Variants in CPNE4 observed in about 807,000 individuals in gnomAD.
CPNE4 encodes copine 4, also known as copine-4.
Under a neutral mutation model 67.9 loss-of-function variants are expected in CPNE4, and 25 were observed. The observed-to-expected ratio is 0.37, with a 90% confidence interval of 0.27 to 0.51. The LOEUF is 0.51. Among genes scored for constraint, CPNE4 ranks in the 20% least tolerant of loss-of-function variants. The pLI is 0.93. For synonymous variants in CPNE4, 242 were observed against 244.9 expected (o/e 0.99, Z 0.11); for missense variants, 464 against 690.8 (o/e 0.67, Z 3.68).
In CPNE4 at chr3:131,535,261, A is replaced by G. The variant is rs1228063186; in HGVS notation, c.1608T>C (p.Asn536=). 2 of 1,613,888 alleles carry G rather than the reference A, an allele frequency of 1.2e-6. No individual in the cohort carries two copies. Among genetic ancestry groups the G allele is most frequent in the South Asian group, 2.2e-5 (2 of 91,020 alleles). The change falls in exon 16 of 16, where the codon AAT becomes AAC. Residue 536 remains asparagine (N), a synonymous_variant. Coordinates refer to ENST00000429747, the MANE Select transcript of CPNE4 (RefSeq NM_130808.3). ...EVPNQVVDYY[N]GKGIKPKCSS... is the part of the protein sequence containing the mutation. Reference sequence around the variant, plus strand: ...AACATTTTGGTTTAATTCCTTTGCCATTGTAATAGTCCACAACTTGGTTTG... The same window carrying G: ...AACATTTTGGTTTAATTCCTTTGCCGTTGTAATAGTCCACAACTTGGTTTG...
intron 15 of CPNE4, among the ~76,000 whole-genome samples, chr3:131,537,117 T>C (rs1935192856): frequency 1.3e-5 from 2 of 152,084 alleles, no homozygotes; most frequent in Admixed American, 1.3e-4. Flanking sequence ...TAATTAAAAA[T>C]CACCAAAATG....
chr3:131,731,687 T>C (rs887401943), intron 2 of CPNE4, among the ~76,000 whole-genome samples: 4 of 152,198 alleles, frequency 2.6e-5, no homozygotes, highest in Non-Finnish European at 4.4e-5. Context: ...ATGTTCTTCA[T>C]GGTCCAAACT....
At chr3:131,682,568 A>C (rs1422644598) in intron 6 of CPNE4, among the ~76,000 whole-genome samples, 1 of 152,096 alleles carries the variant, frequency 6.6e-6, no homozygotes, top group African/African-American at 2.4e-5. Flanking sequence ...CCACCACTGG[A>C]CTGCACTGGG....
At chr3:131,539,745 G>C (rs916560608) in intron 15 of CPNE4, among the ~76,000 whole-genome samples, 3 of 152,136 alleles carry the variant, frequency 2.0e-5, no homozygotes, top group Admixed American at 2.0e-4. Context: ...ATTTGGGGAA[G>C]TTAATGAATC....
At chr3:131,697,209 C>T (rs894714796) in intron 4 of CPNE4, among the ~76,000 whole-genome samples, 7 of 152,132 alleles carry the variant, frequency 4.6e-5, no homozygotes, top group Non-Finnish European at 8.8e-5. Context: ...AAGACTTTCT[C>T]ATAATAGGTC....
At chr3:131,640,928 A>G (rs1191887430) in intron 7 of CPNE4, among the ~76,000 whole-genome samples, 1 of 152,174 alleles carries the variant, frequency 6.6e-6, no homozygotes, top group African/African-American at 2.4e-5. Flanking sequence ...AGGACACTTT[A>G]TTCAACAAAT....
intron 6 of CPNE4, among the ~76,000 whole-genome samples, chr3:131,682,544 C>G (rs144055433): frequency 1.3e-3 from 203 of 152,282 alleles, no homozygotes; most frequent in Non-Finnish European, 2.3e-3. Flanking sequence ...GTGACACGAG[C>G]ACCACTGTGG....
At chr3:131,721,903 T>C (rs2081897028) in intron 3 of CPNE4, among the ~76,000 whole-genome samples, 1 of 152,220 alleles carries the variant, frequency 6.6e-6, no homozygotes, top group Admixed American at 6.5e-5. Context: ...GCAAGATCCT[T>C]TGAACTATCT....
chr3:131,927,548 G>C (rs370580224), intron 1 of CPNE4, among the ~76,000 whole-genome samples: 4 of 152,218 alleles, frequency 2.6e-5, no homozygotes, highest in East Asian at 1.9e-4. Context: ...TGGAGGTCAA[G>C]GGTATACCTT....
chr3:131,792,920 T>TGC (rs1229972248), intron 2 of CPNE4, among the ~76,000 whole-genome samples: 3 of 103,654 alleles, frequency 2.9e-5, no homozygotes, highest in African/African-American at 1.1e-4. Flanking sequence ...TGTGTGTGTG[T>TGC]GTGTGTATCT....
intron 1 of CPNE4, among the ~76,000 whole-genome samples, chr3:131,907,504 AC>A (rs2088818691): frequency 9.9e-5 from 1 of 10,142 alleles, no homozygotes; most frequent in Non-Finnish European, 1.7e-4. Flanking sequence ...TCACACAGAC[AC>A]ACACACACAC....
At chr3:131,975,622 C>T (rs926679198) in intron 1 of CPNE4, among the ~76,000 whole-genome samples, 2 of 152,172 alleles carry the variant, frequency 1.3e-5, no homozygotes, top group Non-Finnish European at 2.9e-5. Context: ...AACACCGTGA[C>T]ATTTACACCT....
At chr3:131,772,550 T>C (rs1472121556) in intron 2 of CPNE4, among the ~76,000 whole-genome samples, 2 of 152,024 alleles carry the variant, frequency 1.3e-5, no homozygotes, top group Non-Finnish European at 2.9e-5. Context: ...GAGCCAGAAG[T>C]GTAAGAAGCC....
rs1553722591 is a variant in CPNE4, at chr3:131,537,281, C to CTGTT, written c.1540-1956_1540-1953dup. Among the ~76,000 whole-genome samples the CTGTT allele has an allele frequency of 2.9e-5, 4 of 138,078 alleles. No homozygotes were observed. The East Asian group carries it at 6.2e-4, about 21-fold the overall frequency. The allele number at this position is 138,078 out of a possible 152,430, so 90.6% of individuals were successfully genotyped here. A position where few individuals can be genotyped will look rare whatever the true frequency, so the allele number is the denominator to read the frequency against. ...GGAAGACTTGTACATTTTTTCTTTT[C>CTGTT]TGTTTTTTTTTTTTTTTTTTGAGAT... On this transcript the variant is annotated intron_variant, in intron 15 of 15. Coordinates refer to ENST00000429747, the MANE Select transcript of CPNE4 (RefSeq NM_130808.3).
chr3:131,810,816 A>ATTGTATGT (rs1392478211), intron 2 of CPNE4, among the ~76,000 whole-genome samples: 1 of 152,146 alleles, frequency 6.6e-6, no homozygotes, highest in East Asian at 1.9e-4. Flanking sequence ...GGATAAAGAA[A>ATTGTATGT]ATGTGGTGTA....
intron 1 of CPNE4, among the ~76,000 whole-genome samples, chr3:131,936,005 C>T (rs1285236899): frequency 1.3e-5 from 2 of 151,872 alleles, no homozygotes; most frequent in Non-Finnish European, 2.9e-5. Context: ...AACCATAGAC[C>T]TCGTCCTTTG....
intron 2 of CPNE4, among the ~76,000 whole-genome samples, chr3:131,751,814 T>C (rs187436422): frequency 9.2e-5 from 14 of 152,158 alleles, no homozygotes; most frequent in African/African-American, 3.1e-4. Flanking sequence ...ACACTGCTTT[T>C]GTAGGGAAAG....
intron 1 of CPNE4, among the ~76,000 whole-genome samples, chr3:131,906,985 A>G (rs557354368): frequency 6.6e-6 from 1 of 152,228 alleles, no homozygotes; most frequent in Admixed American, 6.5e-5. Flanking sequence ...GTTTTGATCT[A>G]CAATGAACTC....
rs542440060 is a variant in CPNE4, at chr3:131,635,166, A to G, written c.681+34509T>C. The stretch of plus-strand genomic sequence containing the variant: ...TCAGTAACCTCTTCCCACTTAAAAT[A>G]GATTTCTAAGAGCTGCAGTTGTAAA... On this transcript the variant is annotated intron_variant, in intron 7 of 15. Coordinates refer to ENST00000429747, the MANE Select transcript of CPNE4 (RefSeq NM_130808.3). 1.5e-4 allele frequency among the ~76,000 whole-genome samples: 23 copies of G among 152,324 alleles called. No homozygotes were observed. The East Asian group carries it at 3.7e-3, about 24-fold the overall frequency.
Sources: gnomAD v4.1 joint callset for allele counts (sites outside exome capture counted in the v4.1 genomes callset) on GRCh38, gnomAD v4.1.1 for gene constraint, MANE v1.5 for transcripts, NCBI Gene and HGNC (gene_info 2026-07-23, HGNC 2026-07-21) for gene names.